The following PRKAR1B variants were observed in gnomAD, a reference collection of about 807,000 sequenced individuals.
PRKAR1B encodes the protein cAMP-dependent protein kinase type I-beta regulatory subunit.
Under a neutral mutation model 46.5 loss-of-function variants are expected in PRKAR1B, and 22 were observed. The observed-to-expected ratio is 0.47, with a 90% CI of 0.34 to 0.68. PRKAR1B has a LOEUF of 0.68. PRKAR1B is among the 30% of genes least tolerant of loss of function. The pLI is 0.01. For missense variants in PRKAR1B, 445 were observed against 535.6 expected (o/e 0.83, Z 1.67); for synonymous variants, 259 against 217.7 (o/e 1.19, Z -1.67).
intron 4 of PRKAR1B, among the ~76,000 whole-genome samples, chr7:621,858 T>C (rs1422475048): frequency 6.6e-6 from 1 of 152,194 alleles, no homozygotes; most frequent in Non-Finnish European, 1.5e-5. Context: ...TGTGAAGCAC[T>C]CAGCAGAATA....
chr7:688,591 C>T (rs188659450), intron 2 of PRKAR1B, among the ~76,000 whole-genome samples: 102 of 152,278 alleles, frequency 6.7e-4, no homozygotes, highest in African/African-American at 2.3e-3. Context: ...AACACACTTC[C>T]GCCTTTCACT....
intron 5 of PRKAR1B, among the ~76,000 whole-genome samples, chr7:606,767 CGTGTGTGTGT>C (rs71546453): frequency 2.0e-5 from 3 of 148,278 alleles, no homozygotes; most frequent in African/African-American, 5.0e-5. Flanking sequence ...GAATTTTATG[CGTGTGTGTGT>C]GTGTGTGTGT....
At chr7:656,418 T>C (rs1785192398) in intron 4 of PRKAR1B, among the ~76,000 whole-genome samples, 1 of 152,256 alleles carries the variant, frequency 6.6e-6, no homozygotes. Flanking sequence ...TATGAATGGA[T>C]AGATAAATGA....
At chr7:641,670 G>A (rs1422942400) in intron 4 of PRKAR1B, among the ~76,000 whole-genome samples, 1 of 152,148 alleles carries the variant, frequency 6.6e-6, no homozygotes, top group Non-Finnish European at 1.5e-5. Flanking sequence ...ACATAAATGT[G>A]CTAAAATATG....
chr7:578,144 C>CA (rs1196120986), intron 9 of PRKAR1B, among the ~76,000 whole-genome samples: 1 of 152,190 alleles, frequency 6.6e-6, no homozygotes, highest in African/African-American at 2.4e-5. Context: ...AGCCAGTCCT[C>CA]AATTAGGTCC....
chr7:679,666 G>A (rs1177568473), intron 3 of PRKAR1B, among the ~76,000 whole-genome samples: 2 of 152,198 alleles, frequency 1.3e-5, no homozygotes, highest in Admixed American at 1.3e-4. Flanking sequence ...ATGAGAATGT[G>A]CTTAACGCCA....
intron 1 of PRKAR1B, among the ~76,000 whole-genome samples, chr7:726,195 ACG>A (rs1396321270): frequency 1.3e-5 from 2 of 152,224 alleles, no homozygotes; most frequent in Non-Finnish European, 2.9e-5. Context: ...TTGGGCGGCT[ACG>A]CCTGAGATCT....
chr7:649,493 A>G (rs1684672842), intron 4 of PRKAR1B, among the ~76,000 whole-genome samples: 5 of 152,234 alleles, frequency 3.3e-5, no homozygotes, highest in Admixed American at 3.3e-4. Flanking sequence ...TCAATTGAAG[A>G]AGTAAAGCTA....
intron 4 of PRKAR1B, among the ~76,000 whole-genome samples, chr7:619,590 A>G (rs1783005675): frequency 6.6e-6 from 1 of 152,192 alleles, no homozygotes; most frequent in South Asian, 2.1e-4. Flanking sequence ...TAACCACTGC[A>G]CTAAACTACC....
chr7:552,297 C>G (rs1465944456), intron 9 of PRKAR1B, among the ~76,000 whole-genome samples: 2 of 128,622 alleles, frequency 1.6e-5, no homozygotes, highest in Admixed American at 1.6e-4. Flanking sequence ...ACGTCACCAC[C>G]CAAACCCCCA....
intron 4 of PRKAR1B, among the ~76,000 whole-genome samples, chr7:676,077 C>A (rs762373998): frequency 1.3e-5 from 2 of 152,016 alleles, no homozygotes; most frequent in Admixed American, 1.3e-4. Flanking sequence ...GAGGACGCCC[C>A]GAGTATGGGA....
chr7:716,686 A>C (rs572710373), intron 1 of PRKAR1B: 1 of 152,348 alleles, frequency 6.6e-6, no homozygotes, highest in Admixed American at 6.5e-5. Flanking sequence ...TCTGGGGTGC[A>C]GAAAGGAAAC....
At chr7:630,803 C>G (rs1204347944) in intron 4 of PRKAR1B, among the ~76,000 whole-genome samples, 2 of 151,966 alleles carry the variant, frequency 1.3e-5, no homozygotes, top group African/African-American at 2.4e-5. Flanking sequence ...GGATGGGGAG[C>G]ACACCCCCCC....
At chr7:664,703 G>C (rs1282881340) in intron 4 of PRKAR1B, among the ~76,000 whole-genome samples, 1 of 151,154 alleles carries the variant, frequency 6.6e-6, no homozygotes, top group Non-Finnish European at 1.5e-5. Context: ...GAGCCCAGGA[G>C]GCTCAAGTCC....
chr7:652,568 T>C (rs999621986), intron 4 of PRKAR1B, among the ~76,000 whole-genome samples: 2 of 152,240 alleles, frequency 1.3e-5, no homozygotes, highest in Non-Finnish European at 2.9e-5. Flanking sequence ...GCTAGGAACC[T>C]GGGGAAACCC....
At chr7:598,256 C>G (rs1438908203) in intron 6 of PRKAR1B, among the ~76,000 whole-genome samples, 2 of 148,748 alleles carry the variant, frequency 1.3e-5, no homozygotes, top group African/African-American at 5.0e-5. Flanking sequence ...CATCACCCTC[C>G]CTCCAGCACC....
At chr7:600,993 T>C (rs991455655) in intron 6 of PRKAR1B, among the ~76,000 whole-genome samples, 1 of 152,224 alleles carries the variant, frequency 6.6e-6, no homozygotes, top group Non-Finnish European at 1.5e-5. Flanking sequence ...CTGGTGCTCT[T>C]GGCATTTTGT....
intron 4 of PRKAR1B, among the ~76,000 whole-genome samples, chr7:613,631 A>G (rs2128469711): frequency 6.6e-6 from 1 of 152,328 alleles, no homozygotes; most frequent in East Asian, 1.9e-4. Context: ...CGCACTGTGA[A>G]TCTGCTCCAA....
At chr7:612,419 T>C (rs752743419) in intron 4 of PRKAR1B, among the ~76,000 whole-genome samples, 6 of 150,090 alleles carry the variant, frequency 4.0e-5, no homozygotes, top group Non-Finnish European at 8.9e-5. Flanking sequence ...GACAGGTGGG[T>C]GGATGAACAG....
Sources: allele counts gnomAD v4.1 joint callset (sites outside exome capture counted in the v4.1 genomes callset), GRCh38; gene constraint gnomAD v4.1.1; transcripts MANE v1.5; gene names NCBI Gene and HGNC (gene_info 2026-07-23, HGNC 2026-07-21).